CACNA2D1: variants seen among roughly 807,000 people sequenced by gnomAD.
The protein encoded by CACNA2D1 is voltage-dependent calcium channel subunit alpha-2/delta-1.
A neutral mutation model predicts 171.5 loss-of-function variants in CACNA2D1; 53 were observed. The observed-to-expected ratio is 0.31, with a 90% CI of 0.25 to 0.39. CACNA2D1 has a LOEUF of 0.39. Among genes scored for constraint, CACNA2D1 ranks in the 10% least tolerant of loss-of-function variants. The pLI, the probability that CACNA2D1 is intolerant of heterozygous loss-of-function variation, is 1.00. For synonymous variants in CACNA2D1, 442 were observed against 443.1 expected (o/e 1.00, Z 0.03); for missense variants, 903 against 1,299.8 (o/e 0.69, Z 4.69).
At chr7:82,258,462 C>A (rs1806575593) in intron 3 of CACNA2D1, among the ~76,000 whole-genome samples, 1 of 152,094 alleles carries the variant, frequency 6.6e-6, no homozygotes, top group African/African-American at 2.4e-5. Flanking sequence ...CTGGCAGGTC[C>A]ATCATCTGAG....
At chr7:82,051,444 G>A (rs904376098) in intron 10 of CACNA2D1, among the ~76,000 whole-genome samples, 3 of 152,064 alleles carry the variant, frequency 2.0e-5, no homozygotes, top group Admixed American at 6.6e-5. Flanking sequence ...CAAGAGCAAA[G>A]ATATAAGGAA....
Position 82,136,701 on chromosome 7 carries a change from T to C in CACNA2D1, c.355-25A>G, listed in dbSNP as rs771035987. On this transcript the variant is annotated intron_variant, in intron 4 of 38. Coordinates refer to ENST00000356860, the MANE Select transcript of CACNA2D1 (RefSeq NM_000722.4). ...TCTACAAAAAAAAAAGAACGCTTTATTGATTTTAATAAAAACAATACTGTA... is the reference window on the plus strand; with the variant it reads ...TCTACAAAAAAAAAAGAACGCTTTACTGATTTTAATAAAAACAATACTGTA... The C allele has an allele frequency of 1.4e-5, 21 of 1,503,972 alleles. No homozygotes were observed. The African/African-American group carries it at 2.3e-4, about 17-fold the overall frequency. The allele number at this position is 1,503,972 out of a possible 1,614,324, so 93.2% of individuals were successfully genotyped here. A position where few individuals can be genotyped will look rare whatever the true frequency, so the allele number is the denominator to read the frequency against.
intron 12 of CACNA2D1, among the ~76,000 whole-genome samples, chr7:82,027,471 G>T (rs1802078043): frequency 1.3e-5 from 2 of 151,720 alleles, no homozygotes; most frequent in Middle Eastern, 3.4e-3. Flanking sequence ...CTCTTTTCAA[G>T]ATCTCTATCA....
intron 6 of CACNA2D1, among the ~76,000 whole-genome samples, chr7:82,089,750 A>C (rs1810907669): frequency 1.3e-5 from 2 of 152,210 alleles, no homozygotes; most frequent in African/African-American, 2.4e-5. Flanking sequence ...TATCTTGTTT[A>C]TGACAAGGAA....
intron 3 of CACNA2D1, among the ~76,000 whole-genome samples, chr7:82,273,004 C>T (rs560743159): frequency 4.3e-4 from 65 of 152,076 alleles, no homozygotes; most frequent in African/African-American, 1.4e-3. Flanking sequence ...AATAAGGAAA[C>T]GTACCAATAA....
intron 12 of CACNA2D1, among the ~76,000 whole-genome samples, chr7:82,015,563 A>G (rs1015543718): frequency 6.6e-6 from 1 of 152,152 alleles, no homozygotes; most frequent in African/African-American, 2.4e-5. Flanking sequence ...TTATTTTTAC[A>G]TATATATTGA....
intron 4 of CACNA2D1, among the ~76,000 whole-genome samples, chr7:82,163,093 C>A (rs562764825): frequency 6.6e-6 from 1 of 152,048 alleles, no homozygotes; most frequent in South Asian, 2.1e-4. Context: ...ATTCTTCATA[C>A]AAAAATTATC....
intron 2 of CACNA2D1, among the ~76,000 whole-genome samples, chr7:82,341,048 G>A (rs1452487381): frequency 6.6e-6 from 1 of 152,098 alleles, no homozygotes; most frequent in African/African-American, 2.4e-5. Flanking sequence ...TTTGCAACGT[G>A]GGATGGTTTG....
At chr7:82,409,027 T>C (rs1485485810) in intron 1 of CACNA2D1, among the ~76,000 whole-genome samples, 1 of 151,954 alleles carries the variant, frequency 6.6e-6, no homozygotes, top group Non-Finnish European at 1.5e-5. Flanking sequence ...TGTCACTCTT[T>C]TTTTTTTTGC....
In CACNA2D1 at chr7:82,125,527, C is replaced by A. The variant is rs12113023; in HGVS notation, c.397-8354G>T. On this transcript the variant is annotated intron_variant, in intron 5 of 38. Coordinates refer to ENST00000356860, the MANE Select transcript of CACNA2D1 (RefSeq NM_000722.4). ...TTTGGGTTTTCATAGATAATTGTTA[C>A]ATTGCTAGCTTTTTTTTCCCCTCAG... 7.7e-3 allele frequency among the ~76,000 whole-genome samples: 1,177 copies of A among 152,174 alleles called. 14 individuals are homozygous for A. Among genetic ancestry groups the A allele is most frequent in the African/African-American group, 0.022 (904 of 41,530 alleles).
intron 4 of CACNA2D1, among the ~76,000 whole-genome samples, chr7:82,153,500 A>C (rs1035148532): frequency 2.6e-5 from 4 of 152,140 alleles, no homozygotes; most frequent in Non-Finnish European, 5.9e-5. Flanking sequence ...TTGCTCATGG[A>C]AACATTTTTC....
At chr7:81,986,521 AAAAT>A (rs1190281869) in intron 21 of CACNA2D1, among the ~76,000 whole-genome samples, 2 of 101,424 alleles carry the variant, frequency 2.0e-5, no homozygotes, top group African/African-American at 1.5e-4. Flanking sequence ...ATAAAATTTC[AAAAT>A]TTCATATGAC....
chr7:81,989,737 G>A (rs1306876190), intron 21 of CACNA2D1, among the ~76,000 whole-genome samples: 1 of 152,152 alleles, frequency 6.6e-6, no homozygotes, highest in Non-Finnish European at 1.5e-5. Context: ...ATTTAACCAG[G>A]ACTGGTATTT....
rs3801694 is a variant in CACNA2D1 at position 82,343,846 on chromosome 7, T to C, written c.177+5722A>G. On this transcript the variant is annotated intron_variant, in intron 2 of 38. Coordinates refer to ENST00000356860, the MANE Select transcript of CACNA2D1 (RefSeq NM_000722.4). Reference sequence around the variant, plus strand: ...TAGGCTGAGTGAGCTGCCTGTTTAATGTCTCTAACCCCAAACGACCTAAAT... The same window carrying C: ...TAGGCTGAGTGAGCTGCCTGTTTAACGTCTCTAACCCCAAACGACCTAAAT... Among the ~76,000 whole-genome samples, 780 of 152,316 alleles carry C rather than the reference T, an allele frequency of 5.1e-3. 21 individuals carry two copies. The East Asian group carries it at 0.081, about 16-fold the overall frequency.
intron 1 of CACNA2D1, among the ~76,000 whole-genome samples, chr7:82,427,752 C>CA (rs1181699229): frequency 2.0e-5 from 3 of 152,132 alleles, no homozygotes; most frequent in African/African-American, 7.2e-5. Context: ...CTCTGATGTT[C>CA]AAAAGCATCA....
Position 82,443,399 on chromosome 7 carries a change from G to T in CACNA2D1, c.61C>A (p.Pro21Thr). ...LTLFQSLLIG[P>T]SSEEPFPSAV... ...GAAGGGAACGGCTCCTCCGACGAGGGGCCGATGAGCAAAGATTGGAAAAGT... is the reference window on the plus strand; with the variant it reads ...GAAGGGAACGGCTCCTCCGACGAGGTGCCGATGAGCAAAGATTGGAAAAGT... Residue 21 changes from proline (P) to threonine (T), a missense_variant, in exon 1 of 39, where the codon CCC (proline) becomes ACC (threonine). By Grantham distance (38) the Pro-to-Thr change is conservative. This residue lies in a region of CACNA2D1 where 41 missense variants were observed against 27.6 expected (regional missense o/e 1.49). Transcript: ENST00000356860. The T allele has an allele frequency of 1.2e-6, 2 of 1,606,044 alleles. No homozygotes were observed. Among genetic ancestry groups the T allele is most frequent in the Non-Finnish European group, 1.7e-6 (2 of 1,176,070 alleles).
intron 3 of CACNA2D1, among the ~76,000 whole-genome samples, chr7:82,227,352 T>C (rs1411139764): frequency 2.0e-5 from 3 of 152,210 alleles, no homozygotes; most frequent in East Asian, 3.9e-4. Flanking sequence ...CTGAAAGAAA[T>C]AGAAAATAAA....
At chr7:81,986,501 AG>A (rs1796987637) in intron 21 of CACNA2D1, among the ~76,000 whole-genome samples, 1 of 146,826 alleles carries the variant, frequency 6.8e-6, no homozygotes, top group South Asian at 2.2e-4. Context: ...AATATAGAAT[AG>A]GGAAAAACAT....
intron 3 of CACNA2D1, among the ~76,000 whole-genome samples, chr7:82,294,979 G>A (rs1252023695): frequency 6.6e-6 from 1 of 152,098 alleles, no homozygotes; most frequent in Non-Finnish European, 1.5e-5. Context: ...GTTATAATTT[G>A]TCAATATTTT....
Sources: gnomAD v4.1 joint callset for allele counts (sites outside exome capture counted in the v4.1 genomes callset) on GRCh38, gnomAD v4.1.1 for gene constraint, gnomAD v4.1.1 regional missense constraint, MANE v1.5 for transcripts, NCBI Gene and HGNC (gene_info 2026-07-23, HGNC 2026-07-21) for gene names.